The following ARAP2 variants were observed in gnomAD, a reference collection of about 807,000 sequenced individuals.
ARAP2 encodes the protein arf-GAP with Rho-GAP domain, ANK repeat and PH domain-containing protein 2.
Under a neutral mutation model 194.5 loss-of-function variants are expected in ARAP2, and 148 were observed. The observed-to-expected ratio is 0.76, with a 90% CI of 0.67 to 0.87. The LOEUF (loss-of-function observed/expected upper bound fraction) is 0.87. Ranked by LOEUF, ARAP2 falls within the 40% of genes least tolerant of loss-of-function variation. ARAP2 has a pLI of 0.00. For synonymous variants in ARAP2, 695 were observed against 683.5 expected (o/e 1.02, Z -0.26); for missense variants, 2,128 against 1,989.7 (o/e 1.07, Z -1.32).
intron 5 of ARAP2, among the ~76,000 whole-genome samples, chr4:36,037,145 G>C (rs1720058394): frequency 6.6e-6 from 1 of 152,052 alleles, no homozygotes; most frequent in South Asian, 2.1e-4. Flanking sequence ...CTTTAGTATG[G>C]TGCCTGTTAT....
chr4:36,146,546 A>G (rs908308350), intron 19 of ARAP2, among the ~76,000 whole-genome samples: 1 of 151,992 alleles, frequency 6.6e-6, no homozygotes, highest in African/African-American at 2.4e-5. Context: ...ACACACTCTT[A>G]GCGTTTTCAA....
At chr4:36,119,183 G>T (rs529411001) in intron 24 of ARAP2, among the ~76,000 whole-genome samples, 1 of 151,554 alleles carries the variant, frequency 6.6e-6, no homozygotes, top group Non-Finnish European at 1.5e-5. Flanking sequence ...ACAAAAATTA[G>T]AATGTGTTAC....
intron 6 of ARAP2, among the ~76,000 whole-genome samples, chr4:36,018,278 T>C (rs572698740): frequency 6.6e-6 from 1 of 152,250 alleles, no homozygotes; most frequent in Admixed American, 6.5e-5. Flanking sequence ...CTGAATTGGG[T>C]GTTCGTTAGG....
At chr4:36,171,535 G>A (rs1172180827) in intron 9 of ARAP2, among the ~76,000 whole-genome samples, 1 of 151,986 alleles carries the variant, frequency 6.6e-6, no homozygotes, top group Non-Finnish European at 1.5e-5. Context: ...TGGGGGGAGT[G>A]GGGAGGGATA....
At position 36,083,395 on chromosome 4, in the gene ARAP2, A is replaced by G; in HGVS notation, c.4481T>C (p.Val1494Ala). The G allele has an allele frequency of 6.2e-7, 1 of 1,608,052 alleles. No individual in the cohort carries two copies. Among genetic ancestry groups the G allele is most frequent in the Non-Finnish European group, 8.5e-7 (1 of 1,177,832 alleles). ...TGTTGGAGGCTTCATTTTCTTTTTC[A>G]CTCCACGATAAAACTTCATGGAACT... ...SLSSMKFYRGVKKKMKPPTSW... is the reference protein window; with the variant it reads ...SLSSMKFYRGAKKKMKPPTSW... Residue 1494 changes from valine to alanine, a missense_variant, in exon 29 of 33, where the codon GTG becomes GCG. Transcript: ENST00000303965.
At position 36,073,675 on chromosome 4, in the gene ARAP2, A is replaced by G. The variant is rs1560370100; in HGVS notation, c.4743+14T>C. On this transcript the variant is annotated intron_variant, in intron 32 of 32. Transcript: ENST00000303965. Reference sequence around the variant, plus strand: ...TCTATAATTGAATATAAAACAAACAAAATCCTAACCTACCTCAATATTTTT... The same window carrying G: ...TCTATAATTGAATATAAAACAAACAGAATCCTAACCTACCTCAATATTTTT... 2 of 1,608,672 alleles carry G rather than the reference A, an allele frequency of 1.2e-6. No individual in the cohort carries two copies. Among genetic ancestry groups the G allele is most frequent in the African/African-American group, 1.3e-5 (1 of 74,652 alleles).
chr4:36,195,614 A>G (rs925315501), intron 6 of ARAP2, among the ~76,000 whole-genome samples: 2 of 152,236 alleles, frequency 1.3e-5, no homozygotes, highest in Non-Finnish European at 2.9e-5. Context: ...TTTTAAGATA[A>G]AAATAATTAA....
intron 15 of ARAP2, among the ~76,000 whole-genome samples, chr4:36,158,030 G>C (rs905905757): frequency 1.3e-5 from 2 of 152,078 alleles, no homozygotes; most frequent in Admixed American, 1.3e-4. Context: ...CAGTAAGGCA[G>C]ACTGCATTAT....
rs1277270959 is a variant in ARAP2 at position 36,128,735 on chromosome 4, G to C, written c.3438C>G (p.Cys1146Trp). The stretch of plus-strand genomic sequence containing the variant: ...CACCATTCTTTTGATAGATATATTT[G>C]CATCCTAAACCTTTGTTTAAAAAAA... Reference protein sequence around the residue: ...IAFVTQYGLGCKYIYQKNGDP... With the variant: ...IAFVTQYGLGWKYIYQKNGDP... Residue 1146 changes from cysteine (C) to tryptophan (W), a missense_variant, in exon 21 of 33, where the codon TGC becomes TGG. Physicochemically the swap from Cys to Trp is radical, Grantham distance 215 (BLOSUM62 -2). Coordinates refer to ENST00000303965, the MANE Select transcript of ARAP2 (RefSeq NM_015230.4). 6.3e-7 allele frequency: 1 copy of C among 1,576,950 alleles called. No individual in the cohort carries two copies. The highest frequency in any genetic ancestry group is 8.6e-7 in the Non-Finnish European group (1 of 1,167,556).
intron 15 of ARAP2, among the ~76,000 whole-genome samples, chr4:36,156,110 C>A (rs1732227486): frequency 6.6e-6 from 1 of 151,766 alleles, no homozygotes; most frequent in Non-Finnish European, 1.5e-5. Context: ...GGTGAAATCT[C>A]ATCTCTACTA....
chr4:36,094,088 A>G (rs572386207), intron 27 of ARAP2, among the ~76,000 whole-genome samples: 33 of 152,276 alleles, frequency 2.2e-4, no homozygotes, highest in African/African-American at 7.0e-4. Flanking sequence ...TTTACACGTT[A>G]TTTTTGTAGC....
intron 19 of ARAP2, among the ~76,000 whole-genome samples, chr4:36,143,403 T>C (rs140114540): frequency 1.0e-3 from 157 of 151,898 alleles, no homozygotes; most frequent in African/African-American, 3.6e-3. Flanking sequence ...CACTTGTTGC[T>C]TTATATCCTG....
intron 5 of ARAP2, among the ~76,000 whole-genome samples, chr4:36,031,328 T>C (rs1655811358): frequency 6.6e-6 from 1 of 152,218 alleles, no homozygotes; most frequent in South Asian, 2.1e-4. Context: ...ATGAAATACA[T>C]TATGATAGAT....
intron 1 of ARAP2, among the ~76,000 whole-genome samples, chr4:36,058,684 A>G (rs1723923097): frequency 6.6e-6 from 1 of 152,162 alleles, no homozygotes; most frequent in African/African-American, 2.4e-5. Context: ...CATTCATTCA[A>G]TATATGTTTC....
At chr4:36,205,285 C>A (rs10009723) in intron 6 of ARAP2, among the ~76,000 whole-genome samples, 29 of 151,908 alleles carry the variant, frequency 1.9e-4, no homozygotes, top group Non-Finnish European at 4.0e-4. Flanking sequence ...TAGCTAATCC[C>A]TAACACTGAA....
At chr4:36,071,854 C>T (rs972588618) in intron 32 of ARAP2, among the ~76,000 whole-genome samples, 1 of 151,652 alleles carries the variant, frequency 6.6e-6, no homozygotes, top group Non-Finnish European at 1.5e-5. Context: ...TCCCCGCTCC[C>T]CCCACCCCAA....
chr4:36,166,307 C>A (rs533273745), intron 10 of ARAP2, among the ~76,000 whole-genome samples: 23 of 152,026 alleles, frequency 1.5e-4, no homozygotes, highest in Non-Finnish European at 2.9e-4. Context: ...TTGACTTATG[C>A]CTATTCTGTA....
At position 36,212,491 on chromosome 4, in the gene ARAP2, T is replaced by C; in HGVS notation, c.1042-4A>G. On this transcript the variant is annotated splice_region_variant and splice_polypyrimidine_tract_variant and intron_variant, in intron 4 of 32. Coordinates refer to ENST00000303965, the MANE Select transcript of ARAP2 (RefSeq NM_015230.4). ...ATTCATTCTTTATAGATCGCTTCTA[T>C]TAAAAAAGCAAACAAACAAAAAACA... is the stretch of plus-strand genomic sequence containing the variant. 1 of 1,608,502 alleles carries C rather than the reference T, an allele frequency of 6.2e-7. No individual in the cohort carries two copies. The highest frequency in any genetic ancestry group is 1.1e-5 in the South Asian group (1 of 90,576).
chr4:36,128,278 A>C (rs1724446830), intron 21 of ARAP2, among the ~76,000 whole-genome samples: 1 of 152,124 alleles, frequency 6.6e-6, no homozygotes, highest in Non-Finnish European at 1.5e-5. Context: ...TAAGAAATCC[A>C]TTGAAAACTA....
Sources: gnomAD v4.1 joint callset for allele counts (sites outside exome capture counted in the v4.1 genomes callset) on GRCh38, gnomAD v4.1.1 for gene constraint, MANE v1.5 for transcripts, NCBI Gene and HGNC (gene_info 2026-07-23, HGNC 2026-07-21) for gene names.